The following TMEM168 variants were observed in gnomAD, a reference collection of about 807,000 sequenced individuals.
TMEM168 encodes the protein transmembrane protein 168.
Under a neutral mutation model 53.2 loss-of-function variants are expected in TMEM168, and 40 were observed. The ratio of observed to expected loss-of-function variants is 0.75; its 90% CI spans 0.58 to 0.98. TMEM168 has a LOEUF of 0.98. Ranked by LOEUF, TMEM168 falls within the 50% of genes least tolerant of loss-of-function variation. TMEM168 has a pLI of 0.00. For synonymous variants in TMEM168, 282 were observed against 293.0 expected, an observed-to-expected ratio of 0.96 and a Z score of 0.38; for missense variants, 771 against 828.8, an observed-to-expected ratio of 0.93 and a Z score of 0.86.
intron 3 of TMEM168, among the ~76,000 whole-genome samples, chr7:112,774,081 G>A (rs976399013): frequency 7.9e-5 from 12 of 152,034 alleles, no homozygotes; most frequent in African/African-American, 2.9e-4. Flanking sequence ...ACTTGAAATT[G>A]GGAAAAAACT....
chr7:112,766,498 A>C lies in TMEM168; in HGVS notation c.*699T>G, dbSNP rs985939612. 1.3e-5 allele frequency: 2 copies of C among 152,616 alleles called. No individual in the cohort carries two copies. The highest frequency in any genetic ancestry group is 2.9e-5 in the Non-Finnish European group (2 of 68,022). The allele number at this position is 152,616 out of a possible 1,614,324, so 9.5% of individuals were successfully genotyped here. On this transcript the variant is annotated 3_prime_UTR_variant, in exon 5 of 5. Transcript: ENST00000312814. ...AGTTACCCTGAGAAAGACTCTTAATATTACCAGTGTTTTCAGGGCCCCCTG... is the reference window on the plus strand; with the variant it reads ...AGTTACCCTGAGAAAGACTCTTAATCTTACCAGTGTTTTCAGGGCCCCCTG...
chr7:112,776,259 T>C (rs1384319248), intron 2 of TMEM168, among the ~76,000 whole-genome samples: 1 of 151,588 alleles, frequency 6.6e-6, no homozygotes, highest in African/African-American at 2.4e-5. Flanking sequence ...TAAGGACATA[T>C]AAGCATTGTA....
In TMEM168 at chr7:112,764,340, T is replaced by C. The variant is rs1479140546; in HGVS notation, c.*2857A>G. ...TTAGTAGAATGGTAAAGTTTTGCCC[T>C]AAAATAATTCCTTTCACTCCAAGCA... is the stretch of plus-strand genomic sequence containing the variant. On this transcript the variant is annotated 3_prime_UTR_variant, in exon 5 of 5. Transcript: ENST00000312814. 3 of 152,030 alleles carry C rather than the reference T, an allele frequency of 2.0e-5. No individual in the cohort carries two copies. The South Asian group carries it at 6.2e-4, about 31-fold the overall frequency. The allele number at this position is 152,030 out of a possible 1,614,324, so 9.4% of individuals were successfully genotyped here.
At chr7:112,770,811 A>G (rs1792912713) in intron 4 of TMEM168, among the ~76,000 whole-genome samples, 1 of 152,186 alleles carries the variant, frequency 6.6e-6, no homozygotes, top group Non-Finnish European at 1.5e-5. Flanking sequence ...AAACACACAT[A>G]AAAAGCTTAC....
At chr7:112,790,089 G>T (rs577847740) in intron 1 of TMEM168, 71 bp downstream of exon 1, 1 of 152,270 alleles carries the variant, frequency 6.6e-6, no homozygotes, top group Non-Finnish European at 1.5e-5. Context: ...CTTGGGGTCC[G>T]GACCACGCGG....
rs373392069 is a variant in TMEM168, at chr7:112,784,267, G to A, written c.559C>T (p.Leu187=). The change falls in exon 2 of 5, where the codon CTG becomes TTG. Residue 187 remains leucine (L), a synonymous_variant. Coordinates refer to ENST00000312814, the MANE Select transcript of TMEM168 (RefSeq NM_022484.6). ...CTCAGATCAATAATCAGCATAGCCA[G>A]AGCTACAACAAGCAAAATGACACTC... is the stretch of plus-strand genomic sequence containing the variant. ...SLSVILLVVA[L]AMLIIDLRMK... The A allele has an allele frequency of 8.6e-5, 138 of 1,613,984 alleles. No homozygotes were observed. The highest frequency in any genetic ancestry group is 1.1e-4 in the Non-Finnish European group (129 of 1,180,020).
At chr7:112,768,488 G>T (rs1792845668) in intron 4 of TMEM168, among the ~76,000 whole-genome samples, 1 of 152,020 alleles carries the variant, frequency 6.6e-6, no homozygotes, top group African/African-American at 2.4e-5. Context: ...ATGAGTTTAA[G>T]AACAGATTTA....
At chr7:112,778,928 G>A (rs1796513) in intron 2 of TMEM168, among the ~76,000 whole-genome samples, 5,657 of 152,090 alleles carry the variant, frequency 0.037, 332 homozygotes, top group African/African-American at 0.13. Flanking sequence ...TCACTCCGTC[G>A]TCCAGGCTGG....
intron 4 of TMEM168, among the ~76,000 whole-genome samples, chr7:112,768,079 CA>C (rs755281810): frequency 2.6e-5 from 4 of 152,056 alleles, no homozygotes; most frequent in Non-Finnish European, 4.4e-5. Context: ...CATTCTACAC[CA>C]GGGGCAGCAA....
At chr7:112,772,114 A>G (rs531781512) in intron 4 of TMEM168, among the ~76,000 whole-genome samples, 24 of 152,276 alleles carry the variant, frequency 1.6e-4, no homozygotes, top group African/African-American at 5.5e-4. Flanking sequence ...TCTCTTGGCA[A>G]TAACTAAGAA....
chr7:112,770,259 A>C (rs907100634), intron 4 of TMEM168, among the ~76,000 whole-genome samples: 2 of 152,172 alleles, frequency 1.3e-5, no homozygotes, highest in African/African-American at 4.8e-5. Flanking sequence ...CTGACTACCC[A>C]CAAGTATGCG....
intron 1 of TMEM168, among the ~76,000 whole-genome samples, chr7:112,788,068 G>T (rs1793441035): frequency 6.6e-6 from 1 of 152,048 alleles, no homozygotes; most frequent in African/African-American, 2.4e-5. Context: ...TTACATTGTT[G>T]ACTTCTCTCA....
Position 112,775,229 on chromosome 7 carries a change from A to T in TMEM168, c.1218T>A (p.Cys406Ter). The T allele has an allele frequency of 6.2e-7, 1 of 1,613,832 alleles. No homozygotes were observed. The highest frequency in any genetic ancestry group is 8.5e-7 in the Non-Finnish European group (1 of 1,179,894). ...CATATCCAACAGATGTTCCTCCTAA[A>T]CAGTTACCCAATTCATGGAAGAGCC... Reference protein sequence around the residue: ...AHGLFHELGNCLGGTSVGYAI... With the variant: ...AHGLFHELGN The change falls in exon 3 of 5, where the codon TGT becomes TGA. Residue 406 changes from cysteine to a stop codon, truncating the protein, a stop_gained. Coordinates refer to ENST00000312814, the MANE Select transcript of TMEM168 (RefSeq NM_022484.6). LOFTEE classifies it high-confidence loss of function.
intron 4 of TMEM168, among the ~76,000 whole-genome samples, chr7:112,771,973 TCTA>T (rs1435260722): frequency 8.5e-5 from 13 of 152,136 alleles, no homozygotes; most frequent in African/African-American, 3.1e-4. Context: ...TTAAGGATCC[TCTA>T]CTATGTATTG....
At chr7:112,789,047 G>A (rs1793471514) in intron 1 of TMEM168, among the ~76,000 whole-genome samples, 2 of 152,112 alleles carry the variant, frequency 1.3e-5, no homozygotes, top group African/African-American at 4.8e-5. Flanking sequence ...TGCCTTATCT[G>A]TTACCAGTTT....
intron 2 of TMEM168, among the ~76,000 whole-genome samples, chr7:112,781,459 A>C (rs1793229620): frequency 6.6e-6 from 1 of 152,224 alleles, no homozygotes; most frequent in African/African-American, 2.4e-5. Context: ...AGGATATCAC[A>C]CAACAAACTT....
chr7:112,772,927 T>A lies in TMEM168; in HGVS notation c.1400A>T (p.Tyr467Phe), dbSNP rs773721143. ...ATCAAATGACAGTCCACTTGTGGAA[T>A]AGTCACATCCATAGGTCTCAATCAT... ...YHMIETYGCD[Y>F]STSGLSFDTL... Residue 467 changes from tyrosine (Y) to phenylalanine (F), a missense_variant, in exon 4 of 5, where the codon TAT (tyrosine) becomes TTT (phenylalanine). Transcript: ENST00000312814. 3 of 1,614,114 alleles carry A rather than the reference T, an allele frequency of 1.9e-6. No homozygotes were observed. Among genetic ancestry groups the A allele is most frequent in the Non-Finnish European group, 2.5e-6 (3 of 1,179,978 alleles).
intron 1 of TMEM168, among the ~76,000 whole-genome samples, chr7:112,786,896 G>C (rs1049098219): frequency 3.9e-5 from 6 of 152,014 alleles, no homozygotes; most frequent in African/African-American, 1.5e-4. Context: ...CTGCCTCCTA[G>C]AGAGTCATCA....
chr7:112,772,631 G>A (rs1792957450), intron 4 of TMEM168, 150 bp downstream of exon 4: 1 of 774,354 alleles, frequency 1.3e-6, no homozygotes, highest in South Asian at 2.2e-5. Flanking sequence ...GGCTAAACAG[G>A]TATGCTAGAG....
Sources: gnomAD v4.1 joint callset for allele counts (sites outside exome capture counted in the v4.1 genomes callset) on GRCh38, gnomAD v4.1.1 for gene constraint, MANE v1.5 for transcripts, NCBI Gene and HGNC (gene_info 2026-07-23, HGNC 2026-07-21) for gene names.